Variants in TMEM108 observed in about 807,000 individuals in gnomAD.
TMEM108 encodes transmembrane protein 108, also known as cancer/testis antigen 124.
TMEM108 carries 12 observed loss-of-function variants against 35.1 expected under a neutral mutation model. That is an observed-to-expected ratio of 0.34 (90% CI 0.22 to 0.55). The LOEUF (loss-of-function observed/expected upper bound fraction) is 0.55. Ranked by LOEUF, TMEM108 falls within the 20% of genes least tolerant of loss-of-function variation. The probability of loss-of-function intolerance (pLI) is 0.89; values close to 1 mark genes in which losing one functional copy is unlikely to be tolerated. For synonymous variants in TMEM108, 287 were observed against 308.6 expected, an observed-to-expected ratio of 0.93 and a Z score of 0.73; for missense variants, 680 against 753.3, an observed-to-expected ratio of 0.90 and a Z score of 1.14.
chr3:133,105,327 A>G (rs1304370180), intron 2 of TMEM108, among the ~76,000 whole-genome samples: 1 of 152,084 alleles, frequency 6.6e-6, no homozygotes, highest in African/African-American at 2.4e-5. Flanking sequence ...CTCTTCCTCC[A>G]TCTGCAAAGC....
chr3:133,362,013 C>T (rs1402582090), intron 3 of TMEM108, among the ~76,000 whole-genome samples: 3 of 152,140 alleles, frequency 2.0e-5, no homozygotes, highest in Non-Finnish European at 2.9e-5. Context: ...TCACCACCCC[C>T]CCACCTCACT....
chr3:133,061,036 C>T (rs1369314031), intron 2 of TMEM108, among the ~76,000 whole-genome samples: 1 of 152,046 alleles, frequency 6.6e-6, no homozygotes, highest in Non-Finnish European at 1.5e-5. Flanking sequence ...ATTCTGATCA[C>T]AGACAACATA....
intron 2 of TMEM108, among the ~76,000 whole-genome samples, chr3:133,211,483 A>G (rs1331198148): frequency 6.6e-6 from 1 of 152,218 alleles, no homozygotes; most frequent in African/African-American, 2.4e-5. Flanking sequence ...AGTATTTGGC[A>G]TCTCTACAAT....
intron 2 of TMEM108, among the ~76,000 whole-genome samples, chr3:133,153,045 T>A (rs1282838156): frequency 6.6e-6 from 1 of 152,080 alleles, no homozygotes. Context: ...ATAGATGGAT[T>A]TTCAGAGGAA....
rs545509959 is a variant in TMEM108, at chr3:133,283,120, TA to T, written c.40+53772del. Among the ~76,000 whole-genome samples the T allele has an allele frequency of 2.3e-3, 350 of 152,332 alleles. 4 individuals carry two copies. Among genetic ancestry groups the T allele is most frequent in the African/African-American group, 8.0e-3 (332 of 41,584 alleles). On this transcript the variant is annotated intron_variant, in intron 3 of 5. Coordinates refer to ENST00000321871, the MANE Select transcript of TMEM108 (RefSeq NM_023943.4). ...TGTCTTATCTGCATTACTTAGATTTTAAATGTTAAAAATATAATTATTTATG... is the reference window on the plus strand; with the variant it reads ...TGTCTTATCTGCATTACTTAGATTTTAATGTTAAAAATATAATTATTTATG...
chr3:133,140,709 C>T (rs1434898113), intron 2 of TMEM108, among the ~76,000 whole-genome samples: 1 of 152,078 alleles, frequency 6.6e-6, no homozygotes, highest in East Asian at 1.9e-4. Context: ...TTTCTGTACT[C>T]CATAAGAAGT....
At chr3:133,281,668 T>G (rs796540132) in intron 3 of TMEM108, among the ~76,000 whole-genome samples, 11 of 152,328 alleles carry the variant, frequency 7.2e-5, no homozygotes, top group African/African-American at 2.6e-4. Flanking sequence ...GAGGGCTGGT[T>G]CAGGGTAGCA....
At chr3:133,279,937 T>A (rs1946889675) in intron 3 of TMEM108, among the ~76,000 whole-genome samples, 2 of 152,220 alleles carry the variant, frequency 1.3e-5, no homozygotes, top group African/African-American at 4.8e-5. Context: ...AATATAATAT[T>A]ATGCCAACTA....
chr3:133,247,271 A>T (rs1235368357), intron 3 of TMEM108: 1 of 152,126 alleles, frequency 6.6e-6, no homozygotes, highest in Non-Finnish European at 1.5e-5. Flanking sequence ...TTATATCAAG[A>T]ATAATAGAAG....
intron 3 of TMEM108, among the ~76,000 whole-genome samples, chr3:133,277,309 A>G (rs1385150691): frequency 6.6e-6 from 1 of 151,952 alleles, no homozygotes; most frequent in African/African-American, 2.4e-5. Context: ...ATAGTTTCAA[A>G]TGGCTCAGAA....
At chr3:133,258,502 A>G (rs1391396617) in intron 3 of TMEM108, among the ~76,000 whole-genome samples, 2 of 152,106 alleles carry the variant, frequency 1.3e-5, no homozygotes, top group Non-Finnish European at 2.9e-5. Context: ...TGGAAGTCCA[A>G]AGGAATTCCT....
chr3:133,284,037 A>G (rs1311220335), intron 3 of TMEM108, among the ~76,000 whole-genome samples: 1 of 152,176 alleles, frequency 6.6e-6, no homozygotes, highest in African/African-American at 2.4e-5. Context: ...TCTGACAGGA[A>G]GTCTTCTTGA....
At chr3:133,095,674 G>A (rs976472658) in intron 2 of TMEM108, among the ~76,000 whole-genome samples, 1 of 152,046 alleles carries the variant, frequency 6.6e-6, no homozygotes, top group African/African-American at 2.4e-5. Flanking sequence ...TCCCTTGCAT[G>A]CACAATTCAC....
At chr3:133,252,525 G>A (rs994194466) in intron 3 of TMEM108, among the ~76,000 whole-genome samples, 1 of 152,102 alleles carries the variant, frequency 6.6e-6, no homozygotes, top group African/African-American at 2.4e-5. Flanking sequence ...GCTAATTCAA[G>A]TTCTGATCAA....
chr3:133,350,946 A>T (rs999059112), intron 3 of TMEM108, among the ~76,000 whole-genome samples: 7 of 152,178 alleles, frequency 4.6e-5, no homozygotes, highest in Admixed American at 3.3e-4. Flanking sequence ...TGACATTGAC[A>T]TCCAGGATTC....
At chr3:133,107,424 C>G (rs1215398438) in intron 2 of TMEM108, among the ~76,000 whole-genome samples, 1 of 150,560 alleles carries the variant, frequency 6.6e-6, no homozygotes, top group African/African-American at 2.5e-5. Context: ...CGAGGCAAAT[C>G]TGTGGGTTAC....
chr3:133,145,376 T>C (rs1944703523), intron 2 of TMEM108, among the ~76,000 whole-genome samples: 1 of 152,192 alleles, frequency 6.6e-6, no homozygotes. Flanking sequence ...CCTTGTAGTG[T>C]AGTTTGAAGT....
At position 133,076,880 on chromosome 3, in the gene TMEM108, A is replaced by T. The variant is rs933724099; in HGVS notation, c.-47+30860A>T. 2.0e-5 allele frequency among the ~76,000 whole-genome samples: 3 copies of T among 152,248 alleles called. No homozygotes were observed. The East Asian group carries it at 5.8e-4, about 29-fold the overall frequency. On this transcript the variant is annotated intron_variant, in intron 2 of 5. Coordinates refer to ENST00000321871, the MANE Select transcript of TMEM108 (RefSeq NM_023943.4). ...GCTTAGGTCACATACGGGGATCCAGATCTGTGGATAAGCCAACGAAAGGAA... is the reference window on the plus strand; with the variant it reads ...GCTTAGGTCACATACGGGGATCCAGTTCTGTGGATAAGCCAACGAAAGGAA...
At chr3:133,161,124 TC>T (rs1944955465) in intron 2 of TMEM108, among the ~76,000 whole-genome samples, 6 of 152,222 alleles carry the variant, frequency 3.9e-5, no homozygotes, top group African/African-American at 1.4e-4. Context: ...CATGATCTGG[TC>T]CCGCCTCTAC....
Sources: gnomAD v4.1 joint callset for allele counts (sites outside exome capture counted in the v4.1 genomes callset) on GRCh38, gnomAD v4.1.1 for gene constraint, MANE v1.5 for transcripts, NCBI Gene and HGNC (gene_info 2026-07-23, HGNC 2026-07-21) for gene names.